GNB4: variants seen among roughly 807,000 people sequenced by gnomAD.
GNB4 encodes the protein guanine nucleotide-binding protein subunit beta-4.
GNB4 carries 28 observed loss-of-function variants against 45.2 expected under a neutral mutation model. The observed-to-expected ratio is 0.62, with a 90% CI of 0.46 to 0.85. The LOEUF is 0.85. Ranked by LOEUF, GNB4 falls within the 40% of genes least tolerant of loss-of-function variation. GNB4 has a pLI of 0.00. For synonymous variants in GNB4, 132 were observed against 143.7 expected, an observed-to-expected ratio of 0.92 and a Z score of 0.58; for missense variants, 321 against 425.4, an observed-to-expected ratio of 0.75 and a Z score of 2.16.
At chr3:179,495,785 A>G in the GNB4 span, among the ~76,000 whole-genome samples, 3 of 152,208 alleles carry the variant, frequency 2.0e-5, no homozygotes, top group East Asian at 3.9e-4. Context: ...GAAACCTTGC[A>G]GGCCAGGAGA....
chr3:179,503,918 C>T, the GNB4 span, among the ~76,000 whole-genome samples: 1 of 152,118 alleles, frequency 6.6e-6, no homozygotes, highest in Admixed American at 6.5e-5. Context: ...CTCTGCATTG[C>T]TTTCTTTTGC....
chr3:179,482,480 A>G, the GNB4 span, among the ~76,000 whole-genome samples: 40 of 152,256 alleles, frequency 2.6e-4, no homozygotes, highest in African/African-American at 8.7e-4. Context: ...TCTGCTTTTG[A>G]AATATGAAAA....
rs532774486 is a variant in GNB4, at chr3:179,413,314, G to T, written c.699+98C>A. On this transcript the variant is annotated intron_variant, in intron 8 of 9. Coordinates refer to ENST00000232564, the MANE Select transcript of GNB4 (RefSeq NM_021629.4). ...TCAAAGTTATAAGAGCACATTACTT[G>T]TAAGAATCCTTGAAGGCAATTTGTT... is the stretch of plus-strand genomic sequence containing the variant. The T allele has an allele frequency of 1.2e-4, 105 of 902,620 alleles. No homozygotes were observed. In the East Asian group the frequency reaches 2.7e-3, roughly 23 times the overall value. The allele number at this position is 902,620 out of a possible 1,614,324, so 55.9% of individuals were successfully genotyped here. A position where few individuals can be genotyped will look rare whatever the true frequency, so the allele number is the denominator to read the frequency against.
At chr3:179,428,430 G>A (rs1021502061) in intron 1 of GNB4, among the ~76,000 whole-genome samples, 3 of 152,190 alleles carry the variant, frequency 2.0e-5, no homozygotes, top group Non-Finnish European at 4.4e-5. Flanking sequence ...CTGAAGTGAA[G>A]ACAAGCAGCA....
upstream of GNB4, chr3:179,452,267 T>A (rs1450499690): frequency 1.3e-5 from 2 of 151,810 alleles, no homozygotes; most frequent in African/African-American, 2.4e-5. Context: ...TAAAATGTCA[T>A]AAAATAAATG....
chr3:179,410,214 G>A (rs1264362942), intron 8 of GNB4: 6 of 152,156 alleles, frequency 3.9e-5, no homozygotes, highest in African/African-American at 1.4e-4. Flanking sequence ...AGCAGTGTGA[G>A]AACGAACTAA....
At chr3:179,467,302 G>A in the GNB4 span, among the ~76,000 whole-genome samples, 1 of 152,178 alleles carries the variant, frequency 6.6e-6, no homozygotes, top group Admixed American at 6.5e-5. Flanking sequence ...GTGAGCCACT[G>A]TGCCTGGCAA....
chr3:179,415,040 G>A lies in GNB4; in HGVS notation c.275C>T (p.Ala92Val). 1 of 1,596,232 alleles carries A rather than the reference G, an allele frequency of 6.3e-7. No homozygotes were observed. The highest frequency in any genetic ancestry group is 8.6e-7 in the Non-Finnish European group (1 of 1,167,448). ...WDSYTTNKMH[A>V]IPLRSSWVMT... ...CACCCAGGAGGACCTCAAAGGAATA[G>A]CATGCATCTGTAGGGCACACACCAC... Residue 92 changes from alanine (A) to valine (V), a missense_variant, in exon 6 of 10, where the codon GCT becomes GTT. By Grantham distance (64) the Ala-to-Val change is moderately conservative. Transcript: ENST00000232564.
chr3:179,401,756 CG>C (rs1315712492), intron 9 of GNB4, among the ~76,000 whole-genome samples: 2 of 152,298 alleles, frequency 1.3e-5, no homozygotes, highest in Admixed American at 6.5e-5. Flanking sequence ...ACGACAAAAA[CG>C]TAAGAACAAA....
chr3:179,481,560 G>C, the GNB4 span, among the ~76,000 whole-genome samples: 1 of 151,868 alleles, frequency 6.6e-6, no homozygotes, highest in Non-Finnish European at 1.5e-5. Flanking sequence ...GGTGGGTCTT[G>C]AATTCCTAAG....
At chr3:179,489,007 A>ATATATATATATAT in the GNB4 span, among the ~76,000 whole-genome samples, 1 of 37,260 alleles carries the variant, frequency 2.7e-5, no homozygotes, top group African/African-American at 1.2e-4. Context: ...AAAAAAAAAA[A>ATATATATATATAT]AAAAAAAAAA....
chr3:179,441,498 C>T (rs1715592136), intron 1 of GNB4, among the ~76,000 whole-genome samples: 1 of 152,006 alleles, frequency 6.6e-6, no homozygotes, highest in Non-Finnish European at 1.5e-5. Flanking sequence ...ATTTTGGAGG[C>T]CAAGGCAGGT....
In GNB4 at chr3:179,414,774, C is replaced by A. The variant is rs183863552; in HGVS notation, c.430+111G>T. 1.2e-4 allele frequency: 87 copies of A among 713,768 alleles called. No homozygotes were observed. In the African/African-American group the frequency reaches 1.4e-3, roughly 11 times the overall value. 44.2% of individuals were successfully genotyped at this position (713,768 alleles called of 1,614,324 possible). A position where few individuals can be genotyped will look rare whatever the true frequency, so the allele number is the denominator to read the frequency against. On this transcript the variant is annotated intron_variant, in intron 6 of 9. Transcript: ENST00000232564. ...TTGTTCATAATAATTTCATTCCCACCCGATTAATCCTCATCCTTTAGCCAG... is the reference window on the plus strand; with the variant it reads ...TTGTTCATAATAATTTCATTCCCACACGATTAATCCTCATCCTTTAGCCAG...
chr3:179,526,222 A>G, the GNB4 span, among the ~76,000 whole-genome samples: 1 of 152,194 alleles, frequency 6.6e-6, no homozygotes, highest in African/African-American at 2.4e-5. Flanking sequence ...AGGTAATGTC[A>G]TCAGTTAAGT....
chr3:179,426,004 T>A, intron 2 of GNB4, 140 bp downstream of exon 2: 5 of 655,262 alleles, frequency 7.6e-6, no homozygotes, highest in Non-Finnish European at 1.3e-5. Context: ...AGACCTCAGT[T>A]CTTACTTCGC....
At position 179,448,692 on chromosome 3, in the gene GNB4, G is replaced by A. The variant is rs534260046; in HGVS notation, c.-43+2654C>T. On this transcript the variant is annotated intron_variant, in intron 1 of 9. Coordinates refer to ENST00000232564, the MANE Select transcript of GNB4 (RefSeq NM_021629.4). ...GTTCCCATTTACTCAGTTCCTACCC[G>A]GTGCCTGTAGGTAACTAATTAGTTT... Among the ~76,000 whole-genome samples the A allele has an allele frequency of 2.6e-5, 4 of 152,198 alleles. No individual in the cohort carries two copies. The South Asian group carries it at 8.3e-4, about 32-fold the overall frequency.
At chr3:179,443,434 G>A (rs528198152) in intron 1 of GNB4, among the ~76,000 whole-genome samples, 25 of 152,218 alleles carry the variant, frequency 1.6e-4, no homozygotes, top group African/African-American at 5.5e-4. Flanking sequence ...AGCTACTTGC[G>A]AGGCTGAGGC....
the GNB4 span, among the ~76,000 whole-genome samples, chr3:179,499,370 G>A: frequency 1.7e-3 from 260 of 151,912 alleles, no homozygotes; most frequent in African/African-American, 5.5e-3. Flanking sequence ...CGTGTTAGCC[G>A]GGATGGTCTC....
chr3:179,422,453 C>T (rs1371582022), intron 2 of GNB4, among the ~76,000 whole-genome samples: 2 of 149,512 alleles, frequency 1.3e-5, no homozygotes, highest in African/African-American at 5.0e-5. Flanking sequence ...ACAGTGAGAC[C>T]CTGTCTCTGG....
Sources: gnomAD v4.1 joint callset for allele counts (sites outside exome capture counted in the v4.1 genomes callset) on GRCh38, gnomAD v4.1.1 for gene constraint, MANE v1.5 for transcripts, NCBI Gene and HGNC (gene_info 2026-07-23, HGNC 2026-07-21) for gene names.